RASGRF1: variants seen among roughly 807,000 people sequenced by gnomAD.
RASGRF1 encodes the protein ras-specific guanine nucleotide-releasing factor 1.
A neutral mutation model predicts 138.7 loss-of-function variants in RASGRF1; 40 were observed. The observed-to-expected ratio is 0.29, with a 90% CI of 0.22 to 0.38. The LOEUF (loss-of-function observed/expected upper bound fraction) is 0.38, where lower values mean the gene tolerates loss of function less well. Ranked by LOEUF, RASGRF1 falls within the 10% of genes least tolerant of loss-of-function variation. RASGRF1 has a pLI of 1.00. For synonymous variants in RASGRF1, 614 were observed against 663.2 expected, an observed-to-expected ratio of 0.93 and a Z score of 1.14; for missense variants, 1,108 against 1,650.4, an observed-to-expected ratio of 0.67 and a Z score of 5.69.
At chr15:79,070,564 G>T (rs1158992224) in intron 1 of RASGRF1, among the ~76,000 whole-genome samples, 2 of 152,198 alleles carry the variant, frequency 1.3e-5, no homozygotes, top group African/African-American at 4.8e-5. Context: ...AAATGCTATT[G>T]TTGGTAATAC....
intron 24 of RASGRF1, among the ~76,000 whole-genome samples, chr15:78,978,219 T>TC (rs1567435518): frequency 1.5e-5 from 1 of 67,510 alleles, no homozygotes; most frequent in African/African-American, 5.4e-5. Flanking sequence ...TCTTTTCTTT[T>TC]GTTTTTTTTT....
chr15:78,984,286 A>C (rs921379146), intron 23 of RASGRF1, among the ~76,000 whole-genome samples: 15 of 152,140 alleles, frequency 9.9e-5, no homozygotes, highest in Non-Finnish European at 2.1e-4. Flanking sequence ...TCCTGCACAC[A>C]TGCAGGCTGG....
Position 78,973,537 on chromosome 15 carries a change from C to T in RASGRF1, c.3495-117G>A. ...CTAGAGGCAAAGGGACTTGCAGTCA[C>T]CAAGAATCACACTACACTCTAGAAC... is the stretch of plus-strand genomic sequence containing the variant. On this transcript the variant is annotated intron_variant, in intron 24 of 26. Coordinates refer to ENST00000558480, the MANE Select transcript of RASGRF1 (RefSeq NM_001145648.3). The surrounding 1 kb of genome is among the most constrained non-coding windows in gnomAD (Gnocchi z 4.9). 1 of 723,090 alleles carries T rather than the reference C, an allele frequency of 1.4e-6. No homozygotes were observed. Among genetic ancestry groups the T allele is most frequent in the Non-Finnish European group, 2.4e-6 (1 of 422,030 alleles). 44.8% of individuals were successfully genotyped at this position (723,090 alleles called of 1,614,324 possible).
At chr15:79,087,851 T>C (rs1042652238) in intron 1 of RASGRF1, among the ~76,000 whole-genome samples, 2 of 152,232 alleles carry the variant, frequency 1.3e-5, no homozygotes, top group Non-Finnish European at 2.9e-5. Context: ...ACATATGTGA[T>C]TTAAGTATGA....
chr15:79,032,418 C>T lies in RASGRF1; in HGVS notation c.959-102G>A. 1 of 1,174,172 alleles carries T rather than the reference C, an allele frequency of 8.5e-7. No homozygotes were observed. The highest frequency in any genetic ancestry group is 1.5e-5 in the South Asian group (1 of 67,836). 72.7% of individuals were successfully genotyped at this position (1,174,172 alleles called of 1,614,324 possible). On this transcript the variant is annotated intron_variant, in intron 6 of 26. Coordinates refer to ENST00000558480, the MANE Select transcript of RASGRF1 (RefSeq NM_001145648.3). This position sits in a 1 kb window ranked among gnomAD's most constrained non-coding sequence, Gnocchi z 4.5. Reference sequence around the variant, plus strand: ...AGCTACACCCAGAGAGGCCAGGGGCCAGGTTCAAGTTCCCCACCCCAGAGA... The same window carrying T: ...AGCTACACCCAGAGAGGCCAGGGGCTAGGTTCAAGTTCCCCACCCCAGAGA...
At chr15:79,080,550 G>A (rs1365994957) in intron 1 of RASGRF1, among the ~76,000 whole-genome samples, 1 of 152,114 alleles carries the variant, frequency 6.6e-6, no homozygotes, top group African/African-American at 2.4e-5. Context: ...TCTTGATCAC[G>A]TTTCTCTAAA....
intron 20 of RASGRF1, among the ~76,000 whole-genome samples, chr15:78,994,647 C>A (rs1255736282): frequency 6.6e-6 from 1 of 152,184 alleles, no homozygotes; most frequent in African/African-American, 2.4e-5. Context: ...TGTAGCTGGA[C>A]CCTGGAAGTG....
At position 78,960,420 on chromosome 15, in the gene RASGRF1, T is replaced by C. The variant is rs1453085591; in HGVS notation, c.*1724A>G. 6.6e-6 allele frequency: 1 copy of C among 152,338 alleles called. No individual in the cohort carries two copies. The highest frequency in any genetic ancestry group is 2.1e-4 in the South Asian group (1 of 4,824). 9.4% of individuals were successfully genotyped at this position (152,338 alleles called of 1,614,324 possible). On this transcript the variant is annotated 3_prime_UTR_variant, in exon 27 of 27. Coordinates refer to ENST00000558480, the MANE Select transcript of RASGRF1 (RefSeq NM_001145648.3). ...TGCCTGAGGCTGCTGGAACAGTCGC[T>C]CTTGGAACCCAGCTTCCGGACTGTG...
rs755715341 is a variant in RASGRF1, at chr15:79,058,316, C to G, written c.531+18G>C. The G allele has an allele frequency of 5.0e-6, 8 of 1,609,446 alleles. No individual in the cohort carries two copies. Among genetic ancestry groups the G allele is most frequent in the Non-Finnish European group, 2.5e-6 (3 of 1,178,864 alleles). ...TGTTGTGCCTAGGGCCTGGGCCCAC[C>G]CCCCAGCCCGCAGTCACCTCTGCCT... On this transcript the variant is annotated intron_variant, in intron 3 of 26. Coordinates refer to ENST00000558480, the MANE Select transcript of RASGRF1 (RefSeq NM_001145648.3).
intron 19 of RASGRF1, among the ~76,000 whole-genome samples, chr15:78,996,740 G>A (rs1272340030): frequency 6.8e-6 from 1 of 146,108 alleles, no homozygotes; most frequent in Non-Finnish European, 1.5e-5. Context: ...GTGTGTGCGT[G>A]TGTGTGTGTG....
At chr15:78,963,599 G>A (rs553013765) in intron 26 of RASGRF1, among the ~76,000 whole-genome samples, 1 of 152,262 alleles carries the variant, frequency 6.6e-6, no homozygotes, top group East Asian at 1.9e-4. Context: ...ACCGTGCCTG[G>A]CCAAATTTTC....
At chr15:79,090,094 G>A in intron 1 of RASGRF1, 129 bp downstream of exon 1, 3 of 1,292,176 alleles carry the variant, frequency 2.3e-6, no homozygotes, top group Non-Finnish European at 3.1e-6. Flanking sequence ...CTCGCTGAGG[G>A]TGCAGAGAGC....
At chr15:79,047,608 C>T (rs1269776727) in intron 4 of RASGRF1, among the ~76,000 whole-genome samples, 2 of 152,218 alleles carry the variant, frequency 1.3e-5, no homozygotes, top group Admixed American at 6.5e-5. Flanking sequence ...AGTCCTAGTG[C>T]CTGCCTGGAG....
intron 1 of RASGRF1, among the ~76,000 whole-genome samples, chr15:79,066,083 C>A (rs1175336961): frequency 7.9e-5 from 12 of 151,974 alleles, no homozygotes; most frequent in Admixed American, 7.9e-4. Flanking sequence ...CAGTGGGCAC[C>A]CTGCCCCCCT....
intron 26 of RASGRF1, among the ~76,000 whole-genome samples, chr15:78,968,736 T>C (rs995716630): frequency 6.6e-6 from 1 of 152,248 alleles, no homozygotes; most frequent in Non-Finnish European, 1.5e-5. Flanking sequence ...CTTTCAGTGA[T>C]GTCCAGGTGG....
chr15:79,078,083 A>G (rs2057862123), intron 1 of RASGRF1, among the ~76,000 whole-genome samples: 1 of 151,872 alleles, frequency 6.6e-6, no homozygotes, highest in Non-Finnish European at 1.5e-5. Flanking sequence ...CTTCTGCCAC[A>G]TGCTGCGTGA....
At chr15:78,994,391 G>A (rs2141671095) in intron 20 of RASGRF1, among the ~76,000 whole-genome samples, 1 of 152,324 alleles carries the variant, frequency 6.6e-6, no homozygotes, top group Non-Finnish European at 1.5e-5. Context: ...GGAGGGGCAG[G>A]GGCAGCAGGG....
chr15:78,981,924 C>T (rs993242642), intron 23 of RASGRF1, among the ~76,000 whole-genome samples: 1 of 152,240 alleles, frequency 6.6e-6, no homozygotes, highest in African/African-American at 2.4e-5. Context: ...CAGCTTCCCT[C>T]CTGCACTTGC....
Position 78,995,762 on chromosome 15 carries a change from G to A in RASGRF1, c.3005C>T (p.Thr1002Met), listed in dbSNP as rs199713827. 4.3e-6 allele frequency: 7 copies of A among 1,614,046 alleles called. No individual in the cohort carries two copies. The highest frequency in any genetic ancestry group is 1.6e-4 in the Middle Eastern group (1 of 6,084). The stretch of plus-strand genomic sequence containing the variant: ...CACCATCTGCGTGATCTCCTCCAGC[G>A]TGATCTGGTTGTCACCTGGGTCCTC... ...TQEDPGDNQI[T>M]LEEITQMAEG... Residue 1002 changes from threonine to methionine, a missense_variant, in exon 20 of 27, where the codon ACG (threonine) becomes ATG (methionine). Around this residue, in one of 3 missense-constraint regions of RASGRF1, gnomAD observed 686 missense variants for 976.7 expected, o/e 0.70. Transcript: ENST00000558480.
Sources: allele counts gnomAD v4.1 joint callset (sites outside exome capture counted in the v4.1 genomes callset), GRCh38; gene constraint gnomAD v4.1.1; regional missense constraint gnomAD v4.1.1; non-coding constraint Gnocchi (gnomAD v3.1); transcripts MANE v1.5; gene names NCBI Gene and HGNC (gene_info 2026-07-23, HGNC 2026-07-21).